The following CALCOCO2 variants were observed in gnomAD, a reference collection of about 807,000 sequenced individuals.
CALCOCO2 encodes calcium-binding and coiled-coil domain-containing protein 2.
A neutral mutation model predicts 62.5 loss-of-function variants in CALCOCO2; 42 were observed. The ratio of observed to expected loss-of-function variants is 0.67; its 90% CI spans 0.53 to 0.87. CALCOCO2 has a LOEUF of 0.87. Ranked by LOEUF, CALCOCO2 falls within the 40% of genes least tolerant of loss-of-function variation. The pLI, the probability that CALCOCO2 is intolerant of heterozygous loss-of-function variation, is 0.00. For synonymous variants in CALCOCO2, 167 were observed against 173.0 expected, an observed-to-expected ratio of 0.97 and a Z score of 0.27; for missense variants, 456 against 515.0, an observed-to-expected ratio of 0.89 and a Z score of 1.11.
In CALCOCO2 at chr17:48,863,167, A is replaced by G; in HGVS notation, c.*162A>G. ...GAGTTATGTCACTGATCTGAAGGTC[A>G]CTGTTAAGGGCTTCTGCTGCCATCC... is the stretch of plus-strand genomic sequence containing the variant. On this transcript the variant is annotated 3_prime_UTR_variant, in exon 13 of 13. Transcript: ENST00000258947. The G allele has an allele frequency of 1.6e-6, 1 of 615,072 alleles. No individual in the cohort carries two copies. Among genetic ancestry groups the G allele is most frequent in the South Asian group, 1.9e-5 (1 of 53,862 alleles). The allele number at this position is 615,072 out of a possible 1,614,324, so 38.1% of individuals were successfully genotyped here.
chr17:48,862,490 T>C (rs1249377693), intron 12 of CALCOCO2, among the ~76,000 whole-genome samples, 186 bp downstream of exon 12: 2 of 152,230 alleles, frequency 1.3e-5, no homozygotes, highest in East Asian at 3.8e-4. Context: ...GCACAGTTCA[T>C]CCATCAGCAT....
Position 48,863,204 on chromosome 17 carries a change from T to C in CALCOCO2, c.*199T>C. The C allele has an allele frequency of 5.5e-6, 3 of 541,290 alleles. No individual in the cohort carries two copies. The highest frequency in any genetic ancestry group is 1.0e-5 in the Non-Finnish European group (3 of 299,116). The allele number at this position is 541,290 out of a possible 1,614,324, so 33.5% of individuals were successfully genotyped here. The stretch of plus-strand genomic sequence containing the variant: ...TTCTGCTGCCATCCTTGTGGGTTGC[T>C]ACCTTTAAGTCGCATAACTCTAGCT... On this transcript the variant is annotated 3_prime_UTR_variant, in exon 13 of 13. Coordinates refer to ENST00000258947, the MANE Select transcript of CALCOCO2 (RefSeq NM_005831.5).
chr17:48,855,405 G>C (rs751956756), intron 9 of CALCOCO2, among the ~76,000 whole-genome samples: 1 of 152,162 alleles, frequency 6.6e-6, no homozygotes, highest in South Asian at 2.1e-4. Flanking sequence ...AGCAGTTTGG[G>C]CACCAGCATT....
chr17:48,853,219 G>A (rs2040159476), intron 9 of CALCOCO2: 1 of 509,472 alleles, frequency 2.0e-6, no homozygotes, highest in African/African-American at 1.9e-5. Context: ...AGTAATAAAG[G>A]AATATTGCAA....
At chr17:48,846,606 G>T in intron 2 of CALCOCO2, 2 of 660,218 alleles carry the variant, frequency 3.0e-6, no homozygotes, top group South Asian at 3.4e-5. Context: ...GAAACTCCAG[G>T]ATGTGAATGA....
intron 12 of CALCOCO2, 94 bp from the exon 13 acceptor site, chr17:48,862,744 T>C (rs2040345920): frequency 1.0e-6 from 1 of 958,774 alleles, no homozygotes; most frequent in Admixed American, 1.8e-5. Flanking sequence ...CCAGTCATTA[T>C]GCTAGGCACT....
rs1485212499 is a variant in CALCOCO2, at chr17:48,860,442, A to G, written c.1137A>G (p.Pro379=). 1.2e-6 allele frequency: 2 copies of G among 1,613,772 alleles called. No homozygotes were observed. Among genetic ancestry groups the G allele is most frequent in the Non-Finnish European group, 1.7e-6 (2 of 1,179,848 alleles). ...RQNPGLAYGN[P]YSGIQESSSP... ...ATCCAGGACTTGCCTATGGAAACCC[A>G]TATTCTGGTAAGACAACTTTCCCAT... The change falls in exon 11 of 13, where the codon CCA becomes CCG. Residue 379 remains proline (P), a synonymous_variant. Transcript: ENST00000258947.
At chr17:48,849,154 GCAGTGAATGGGAATCAGC>G in intron 4 of CALCOCO2, 80 bp from the exon 5 acceptor site, 1 of 1,117,254 alleles carries the variant, frequency 9.0e-7, no homozygotes, top group Non-Finnish European at 1.3e-6. Flanking sequence ...AGGTGTCACT[GCAGTGAATGGGAATCAGC>G]CAGTCCCTCA....
chr17:48,862,715 T>C lies in CALCOCO2; in HGVS notation c.1174-123T>C, dbSNP rs561221893. On this transcript the variant is annotated intron_variant, in intron 12 of 12. Transcript: ENST00000258947. ...ATTCTCTTCATTCATTCACTATTTC[T>C]TGAGTGCCTAACCATGTGCCAGTCA... 9.9e-5 allele frequency: 74 copies of C among 749,054 alleles called. No homozygotes were observed. The Middle Eastern group carries it at 3.4e-3, about 35-fold the overall frequency. The allele number at this position is 749,054 out of a possible 1,614,324, so 46.4% of individuals were successfully genotyped here. A position where few individuals can be genotyped will look rare whatever the true frequency, so the allele number is the denominator to read the frequency against.
At chr17:48,857,998 A>AG (rs1491586669) in intron 10 of CALCOCO2, among the ~76,000 whole-genome samples, 59 of 22,582 alleles carry the variant, frequency 2.6e-3, no homozygotes, top group Non-Finnish European at 5.5e-3. Context: ...AGAATAGAAT[A>AG]GAATAGAATA....
At position 48,856,185 on chromosome 17, in the gene CALCOCO2, G is replaced by T; in HGVS notation, c.1006G>T (p.Asp336Tyr). The change falls in exon 10 of 13, where the codon GAT (aspartate) becomes TAT (tyrosine). Residue 336 changes from aspartate (D) to tyrosine (Y), a missense_variant and splice_region_variant. Transcript: ENST00000258947. The stretch of plus-strand genomic sequence containing the variant: ...GAAAGAGAGATTGGAAGGAGAAAAT[G>T]ATGTAAGTGTGTGAAAGAGGGTATA... The part of the protein sequence containing the change: ...RQKERLEGEN[D>Y]LLKRENSRLL... The T allele has an allele frequency of 1.9e-6, 3 of 1,562,288 alleles. No individual in the cohort carries two copies. The highest frequency in any genetic ancestry group is 2.6e-6 in the Non-Finnish European group (3 of 1,134,262).
intron 1 of CALCOCO2, among the ~76,000 whole-genome samples, chr17:48,841,278 T>G (rs147923477): frequency 1.8e-3 from 268 of 152,282 alleles, no homozygotes; most frequent in African/African-American, 5.7e-3. Flanking sequence ...TAAATGGGAT[T>G]GAATATAGAA....
chr17:48,849,239 T>G lies in CALCOCO2; in HGVS notation c.418-13T>G. The G allele has an allele frequency of 6.2e-7, 1 of 1,613,286 alleles. No homozygotes were observed. On this transcript the variant is annotated splice_polypyrimidine_tract_variant and intron_variant, in intron 4 of 12. Coordinates refer to ENST00000258947, the MANE Select transcript of CALCOCO2 (RefSeq NM_005831.5). ...GGGACTTGGAATATAGTTTATGGAA[T>G]GTTCTTTTGTAGGGAGAGGTGGAAG...
At chr17:48,859,246 G>A (rs921781631) in intron 10 of CALCOCO2, among the ~76,000 whole-genome samples, 2 of 151,858 alleles carry the variant, frequency 1.3e-5, no homozygotes, top group African/African-American at 4.8e-5. Flanking sequence ...ATTTGAATGG[G>A]ATAAGACCTG....
At chr17:48,853,922 G>A (rs1430834154) in intron 9 of CALCOCO2, among the ~76,000 whole-genome samples, 1 of 152,120 alleles carries the variant, frequency 6.6e-6, no homozygotes, top group Non-Finnish European at 1.5e-5. Flanking sequence ...CTGTTTTATT[G>A]CATTCAGTTC....
intron 10 of CALCOCO2, among the ~76,000 whole-genome samples, chr17:48,859,754 T>G (rs2040301270): frequency 6.6e-6 from 1 of 152,224 alleles, no homozygotes; most frequent in Admixed American, 6.6e-5. Context: ...TTTAGAGATT[T>G]AAAACTTTTT....
At chr17:48,845,371 CTGTGTGTGTGTGTGTGTGTGTGTGTG>C (rs56280364) in intron 2 of CALCOCO2, among the ~76,000 whole-genome samples, 8 of 116,206 alleles carry the variant, frequency 6.9e-5, no homozygotes, top group Admixed American at 1.8e-4. Context: ...TAAATCCTCA[CTGTGTGTGTGTGTGTGTGTGTGTGTG>C]TGTGTGTGTG....
intron 9 of CALCOCO2, among the ~76,000 whole-genome samples, chr17:48,854,916 C>G (rs2040191144): frequency 6.6e-6 from 1 of 152,018 alleles, no homozygotes; most frequent in East Asian, 1.9e-4. Context: ...AGGTAGAGGC[C>G]AGGAAAGCCT....
At chr17:48,857,520 T>TTTTTTTTTTTTTTTTG (rs2040237229) in intron 10 of CALCOCO2, among the ~76,000 whole-genome samples, 1 of 128,028 alleles carries the variant, frequency 7.8e-6, no homozygotes, top group African/African-American at 3.3e-5. Context: ...TTTTTTTTTT[T>TTTTTTTTTTTTTTTTG]GAGACGGAGT....
Sources: gnomAD v4.1 joint callset for allele counts (sites outside exome capture counted in the v4.1 genomes callset) on GRCh38, gnomAD v4.1.1 for gene constraint, MANE v1.5 for transcripts, NCBI Gene and HGNC (gene_info 2026-07-23, HGNC 2026-07-21) for gene names.